Variants in IFT80 observed in about 807,000 individuals in gnomAD.
IFT80 encodes the protein intraflagellar transport 80, also known as intraflagellar transport protein 80 homolog.
Under a neutral mutation model 107.9 loss-of-function variants are expected in IFT80, and 79 were observed. The observed-to-expected ratio is 0.73, with a 90% CI of 0.61 to 0.88. The LOEUF is 0.88. Among genes scored for constraint, IFT80 ranks in the 40% least tolerant of loss-of-function variants. The pLI, the probability that IFT80 is intolerant of heterozygous loss-of-function variation, is 0.00. For missense variants in IFT80, 797 were observed against 914.2 expected (o/e 0.87, Z 1.65); for synonymous variants, 299 against 300.9 (o/e 0.99, Z 0.07).
intron 19 of IFT80, among the ~76,000 whole-genome samples, chr3:160,262,523 T>C (rs1475421166): frequency 6.6e-6 from 1 of 152,086 alleles, no homozygotes; most frequent in African/African-American, 2.4e-5. Flanking sequence ...TCTCACTTTG[T>C]TACCCAGGCT....
Position 160,392,017 on chromosome 3 carries a change from C to T in IFT80, c.-47+7129G>A, listed in dbSNP as rs148144740. Among the ~76,000 whole-genome samples the T allele has an allele frequency of 1.6e-4, 24 of 152,302 alleles. No individual in the cohort carries two copies. In the East Asian group the frequency reaches 4.6e-3, roughly 29 times the overall value. On this transcript the variant is annotated intron_variant, in intron 1 of 19. Transcript: ENST00000326448. ...GGTGGCTAATCAATTTAAACCATAG[C>T]CTTCTTGGAACTGCTCTCTTAGGCA...
chr3:160,303,771 T>C (rs1390009148), intron 11 of IFT80, 144 bp downstream of exon 11: 2 of 615,208 alleles, frequency 3.3e-6, no homozygotes, highest in Non-Finnish European at 5.9e-6. Context: ...TTTATTCTTT[T>C]CTTTTTCTTC....
At chr3:160,357,690 G>A in intron 6 of IFT80, 112 bp from the exon 7 acceptor site, 1 of 667,232 alleles carries the variant, frequency 1.5e-6, no homozygotes, top group Non-Finnish European at 2.7e-6. Flanking sequence ...TCTTCTCAGG[G>A]ATTCCTATCT....
intron 12 of IFT80, among the ~76,000 whole-genome samples, chr3:160,294,374 C>A (rs1217889792): frequency 6.6e-6 from 1 of 152,172 alleles, no homozygotes; most frequent in Non-Finnish European, 1.5e-5. Context: ...GGGCGTGCCA[C>A]TATGCCTGCC....
intron 12 of IFT80, 126 bp from the exon 13 acceptor site, chr3:160,285,994 A>G (rs1398320667): frequency 1.6e-6 from 1 of 616,568 alleles, no homozygotes; most frequent in East Asian, 2.8e-5. Flanking sequence ...GAGCAGCAGC[A>G]TCCAATTTTA....
At chr3:160,345,613 G>A (rs1394470668) in intron 8 of IFT80, among the ~76,000 whole-genome samples, 4 of 147,866 alleles carry the variant, frequency 2.7e-5, no homozygotes, top group Non-Finnish European at 5.9e-5. Context: ...AGAATTGCTT[G>A]AACCCAGGAG....
At position 160,301,061 on chromosome 3, in the gene IFT80, A is replaced by G; in HGVS notation, c.1152-15T>C. 6.4e-7 allele frequency: 1 copy of G among 1,553,834 alleles called. No individual in the cohort carries two copies. Among genetic ancestry groups the G allele is most frequent in the South Asian group, 1.1e-5 (1 of 87,792 alleles). ...GAAGAAAATGTCTAAAAAATAAAGA[A>G]TAGAAATAGATTCTCAAACAGGAGT... is the stretch of plus-strand genomic sequence containing the variant. On this transcript the variant is annotated splice_polypyrimidine_tract_variant and intron_variant, in intron 11 of 19. Coordinates refer to ENST00000326448, the MANE Select transcript of IFT80 (RefSeq NM_020800.3).
At chr3:160,362,477 C>T (rs911655251) in intron 6 of IFT80, among the ~76,000 whole-genome samples, 8 of 152,144 alleles carry the variant, frequency 5.3e-5, no homozygotes, top group African/African-American at 1.9e-4. Context: ...TGAAATTATT[C>T]CAATCAATAG....
chr3:160,308,215 A>C (rs930916275), intron 9 of IFT80, among the ~76,000 whole-genome samples: 3 of 152,156 alleles, frequency 2.0e-5, no homozygotes, highest in African/African-American at 7.2e-5. Flanking sequence ...TAGAGACATA[A>C]TTGCTTTAAA....
chr3:160,299,322 GC>G, intron 12 of IFT80: 1 of 785,256 alleles, frequency 1.3e-6, no homozygotes, highest in Non-Finnish European at 1.7e-6. Flanking sequence ...TATATTTCCT[GC>G]CAGTATAAGA....
At chr3:160,395,678 G>A (rs1713717716) in intron 1 of IFT80, among the ~76,000 whole-genome samples, 1 of 152,176 alleles carries the variant, frequency 6.6e-6, no homozygotes, top group Non-Finnish European at 1.5e-5. Flanking sequence ...CAAGGGGAGA[G>A]CCAAAAGGTG....
At chr3:160,394,857 T>C (rs34002726) in intron 1 of IFT80, among the ~76,000 whole-genome samples, 5 of 152,218 alleles carry the variant, frequency 3.3e-5, no homozygotes, top group Non-Finnish European at 7.3e-5. Context: ...CTGTATTATA[T>C]GATTCAATTC....
At chr3:160,284,695 T>A (rs140965050) in intron 13 of IFT80, among the ~76,000 whole-genome samples, 193 of 152,274 alleles carry the variant, frequency 1.3e-3, no homozygotes, top group African/African-American at 4.5e-3. Context: ...CAGTTTAAAT[T>A]CTGATACATA....
At chr3:160,296,567 A>G (rs1715996181) in intron 12 of IFT80, among the ~76,000 whole-genome samples, 1 of 149,832 alleles carries the variant, frequency 6.7e-6, no homozygotes, top group Non-Finnish European at 1.5e-5. Context: ...TATCATCCTC[A>G]CTAAAAAAAA....
intron 3 of IFT80, among the ~76,000 whole-genome samples, chr3:160,378,718 A>G (rs1247975429): frequency 6.6e-6 from 1 of 152,008 alleles, no homozygotes; most frequent in Non-Finnish European, 1.5e-5. Context: ...TTTAACATCA[A>G]AATTTAAAAA....
chr3:160,390,095 T>G (rs909786849), intron 1 of IFT80, among the ~76,000 whole-genome samples: 1 of 152,004 alleles, frequency 6.6e-6, no homozygotes, highest in African/African-American at 2.4e-5. Context: ...GGAGGCAAAA[T>G]AGCTTCTACT....
intron 5 of IFT80, among the ~76,000 whole-genome samples, chr3:160,370,275 TAG>T (rs1722141673): frequency 1.3e-5 from 2 of 152,136 alleles, no homozygotes; most frequent in African/African-American, 4.8e-5. Context: ...GTACTTGGAA[TAG>T]AGTCTGGCAC....
In IFT80 at chr3:160,316,972, G is replaced by A. The variant is rs114776145; in HGVS notation, c.957+2788C>T. On this transcript the variant is annotated intron_variant, in intron 9 of 19. Coordinates refer to ENST00000326448, the MANE Select transcript of IFT80 (RefSeq NM_020800.3). ...CTGAACCAATAATGCCTCTAAGTCA[G>A]TCTGTCTCTTAACTTCACAAGAATC... 5.4e-3 allele frequency among the ~76,000 whole-genome samples: 827 copies of A among 152,202 alleles called. 5 individuals are homozygous for A. The highest frequency in any genetic ancestry group is 9.9e-3 in the Non-Finnish European group (673 of 67,994).
At chr3:160,327,942 G>A (rs948652868) in intron 8 of IFT80, among the ~76,000 whole-genome samples, 3 of 152,160 alleles carry the variant, frequency 2.0e-5, no homozygotes, top group Non-Finnish European at 4.4e-5. Context: ...CTATGCATCT[G>A]ACAAAGGTCT....
Sources: gnomAD v4.1 joint callset for allele counts (sites outside exome capture counted in the v4.1 genomes callset) on GRCh38, gnomAD v4.1.1 for gene constraint, MANE v1.5 for transcripts, NCBI Gene and HGNC (gene_info 2026-07-23, HGNC 2026-07-21) for gene names.